MAGI2: variants seen among roughly 807,000 people sequenced by gnomAD.
The protein encoded by MAGI2 is membrane associated guanylate kinase, WW and PDZ domain containing 2.
A neutral mutation model predicts 133.3 loss-of-function variants in MAGI2; 35 were observed. The ratio of observed to expected loss-of-function variants is 0.26; its 90% CI spans 0.20 to 0.35. The LOEUF is 0.35. Among genes scored for constraint, MAGI2 ranks in the 10% least tolerant of loss-of-function variants. The probability of loss-of-function intolerance (pLI) is 1.00; values close to 1 mark genes in which losing one functional copy is unlikely to be tolerated. For missense variants in MAGI2, 1,636 were observed against 1,863.4 expected (o/e 0.88, Z 2.25); for synonymous variants, 729 against 710.6 (o/e 1.03, Z -0.41).
At chr7:78,481,483 A>C (rs1449882531) in intron 6 of MAGI2, among the ~76,000 whole-genome samples, 1 of 151,954 alleles carries the variant, frequency 6.6e-6, no homozygotes, top group African/African-American at 2.4e-5. Flanking sequence ...ATTGCAACTC[A>C]AGGTGAGATT....
At chr7:79,131,582 C>A (rs1405542318) in intron 1 of MAGI2, among the ~76,000 whole-genome samples, 1 of 152,156 alleles carries the variant, frequency 6.6e-6, no homozygotes, top group Non-Finnish European at 1.5e-5. Flanking sequence ...CTCTGTCAAG[C>A]TGAGAAATGT....
rs1181605561 is a variant in MAGI2, at chr7:78,330,343, C to T, written c.1408+13435G>A. Among the ~76,000 whole-genome samples, 3 of 36,926 alleles carry T rather than the reference C, an allele frequency of 8.1e-5. 1 individual carries two copies. The highest frequency in any genetic ancestry group is 3.5e-4 in the East Asian group (1 of 2,846). 24.2% of individuals were successfully genotyped at this position (36,926 alleles called of 152,430 possible). ...ATAGAAAGATTCCTTCACGGCCGGG[C>T]GCGGTGGCTCACGCCTGTAATCCCA... On this transcript the variant is annotated intron_variant, in intron 9 of 21. Transcript: ENST00000354212.
At chr7:78,288,759 G>A (rs1796405067) in intron 9 of MAGI2, among the ~76,000 whole-genome samples, 1 of 152,196 alleles carries the variant, frequency 6.6e-6, no homozygotes, top group African/African-American at 2.4e-5. Context: ...AGCTTCCAGA[G>A]GAAGGATCAG....
chr7:78,370,934 T>C (rs1793849591), intron 6 of MAGI2, among the ~76,000 whole-genome samples: 1 of 151,928 alleles, frequency 6.6e-6, no homozygotes, highest in Non-Finnish European at 1.5e-5. Flanking sequence ...AATCTTTCTT[T>C]CAGAAGGATA....
intron 2 of MAGI2, among the ~76,000 whole-genome samples, chr7:78,967,793 C>A (rs1803457497): frequency 6.6e-6 from 1 of 151,864 alleles, no homozygotes; most frequent in African/African-American, 2.4e-5. Flanking sequence ...TTATGTTGCA[C>A]TGGTTTTTAT....
chr7:78,354,131 G>C (rs934071138), intron 7 of MAGI2, among the ~76,000 whole-genome samples: 4 of 152,150 alleles, frequency 2.6e-5, no homozygotes, highest in Non-Finnish European at 5.9e-5. Context: ...TTTTCACCTA[G>C]GGTATGAGGT....
At chr7:78,786,425 A>G (rs1826825926) in intron 2 of MAGI2, among the ~76,000 whole-genome samples, 1 of 152,192 alleles carries the variant, frequency 6.6e-6, no homozygotes, top group Non-Finnish European at 1.5e-5. Flanking sequence ...TTCCTATTTC[A>G]TTCAAAATAT....
intron 10 of MAGI2, among the ~76,000 whole-genome samples, chr7:78,238,205 C>T (rs1013671512): frequency 6.6e-6 from 1 of 152,016 alleles, no homozygotes; most frequent in Non-Finnish European, 1.5e-5. Flanking sequence ...CACTCATTTC[C>T]TAGATGTTCT....
intron 1 of MAGI2, among the ~76,000 whole-genome samples, chr7:79,257,790 C>A (rs113037678): frequency 6.6e-6 from 1 of 152,024 alleles, no homozygotes; most frequent in African/African-American, 2.4e-5. Flanking sequence ...GCCTATGTCA[C>A]TATGCTACTC....
intron 1 of MAGI2, among the ~76,000 whole-genome samples, chr7:79,142,361 C>T (rs141568888): frequency 1.8e-3 from 271 of 152,294 alleles, no homozygotes; most frequent in African/African-American, 6.2e-3. Context: ...GTTTGGTTCA[C>T]ATTAAACATA....
Position 78,203,695 on chromosome 7 carries a change from G to A in MAGI2, c.2048-2502C>T, listed in dbSNP as rs59854316. ...TGCTGCAGAGTAAGGAATTTTATAT[G>A]GTAAGAGAGAGCATCAGAATAATTT... On this transcript the variant is annotated intron_variant, in intron 10 of 21. Transcript: ENST00000354212. Among the ~76,000 whole-genome samples, 194 of 152,220 alleles carry A rather than the reference G, an allele frequency of 1.3e-3. 1 individual carries two copies. Among genetic ancestry groups the A allele is most frequent in the African/African-American group, 4.5e-3 (187 of 41,540 alleles).
chr7:78,855,563 G>T (rs911321498), intron 2 of MAGI2, among the ~76,000 whole-genome samples: 111 of 152,118 alleles, frequency 7.3e-4, no homozygotes, highest in African/African-American at 2.6e-3. Flanking sequence ...CTTCATCCAT[G>T]TCCCTACAAA....
chr7:78,078,775 C>CGTGTGTGTGT (rs1181260320), intron 21 of MAGI2, 172 bp downstream of exon 21: 8 of 594,054 alleles, frequency 1.3e-5, no homozygotes, highest in Non-Finnish European at 2.0e-5. Context: ...CATAAACATA[C>CGTGTGTGTGT]GTGTGTGTGT....
chr7:78,093,754 G>A (rs1041973734), intron 20 of MAGI2, among the ~76,000 whole-genome samples: 1 of 152,046 alleles, frequency 6.6e-6, no homozygotes, highest in Non-Finnish European at 1.5e-5. Context: ...CTTATGCCAC[G>A]AGATACATGC....
At chr7:78,138,069 T>G (rs1822350067) in intron 16 of MAGI2, among the ~76,000 whole-genome samples, 2 of 152,244 alleles carry the variant, frequency 1.3e-5, no homozygotes, top group Non-Finnish European at 2.9e-5. Context: ...AGGTCACATA[T>G]GCCAAACAGG....
chr7:78,581,274 A>C (rs1011294022), intron 3 of MAGI2, among the ~76,000 whole-genome samples: 1 of 152,124 alleles, frequency 6.6e-6, no homozygotes, highest in African/African-American at 2.4e-5. Context: ...TCTTCAACCA[A>C]AGGAAGCAAA....
In MAGI2 at chr7:78,131,174, A is replaced by C. The variant is rs180942382; in HGVS notation, c.3203+1715T>G. 8.8e-4 allele frequency among the ~76,000 whole-genome samples: 134 copies of C among 152,306 alleles called. 1 individual carries two copies. The highest frequency in any genetic ancestry group is 3.4e-3 in the Middle Eastern group (1 of 294). ...TGGGGAAAGCCAGTGCAATCTGTTGAAGTGATAGATGTTGAGAGCAAACCC... is the reference window on the plus strand; with the variant it reads ...TGGGGAAAGCCAGTGCAATCTGTTGCAGTGATAGATGTTGAGAGCAAACCC... On this transcript the variant is annotated intron_variant, in intron 18 of 21. Transcript: ENST00000354212.
At position 78,822,376 on chromosome 7, in the gene MAGI2, A is replaced by G. The variant is rs140436794; in HGVS notation, c.418+184714T>C. ...ATGGGAAATTTTGGTTGTACTATGGAGAGAATAATAATTTAACTCATCTTT... is the reference window on the plus strand; with the variant it reads ...ATGGGAAATTTTGGTTGTACTATGGGGAGAATAATAATTTAACTCATCTTT... On this transcript the variant is annotated intron_variant, in intron 2 of 21. Coordinates refer to ENST00000354212, the MANE Select transcript of MAGI2 (RefSeq NM_012301.4). Among the ~76,000 whole-genome samples the G allele has an allele frequency of 4.2e-3, 642 of 152,222 alleles. 7 individuals are homozygous for G. The highest frequency in any genetic ancestry group is 0.015 in the African/African-American group (611 of 41,572).
intron 13 of MAGI2, among the ~76,000 whole-genome samples, chr7:78,183,718 C>T (rs1045436118): frequency 4.6e-5 from 7 of 152,188 alleles, no homozygotes; most frequent in African/African-American, 1.7e-4. Flanking sequence ...TACAGGCATG[C>T]GCCACAGCGC....
Sources: allele counts gnomAD v4.1 joint callset (sites outside exome capture counted in the v4.1 genomes callset), GRCh38; gene constraint gnomAD v4.1.1; transcripts MANE v1.5; gene names NCBI Gene and HGNC (gene_info 2026-07-23, HGNC 2026-07-21).